GTF2H3: variants seen among roughly 807,000 people sequenced by gnomAD.
GTF2H3 encodes TFIIH basal transcription factor complex p34 subunit.
A neutral mutation model predicts 51.1 loss-of-function variants in GTF2H3; 42 were observed. The ratio of observed to expected loss-of-function variants is 0.82; its 90% CI spans 0.64 to 1.06. The LOEUF (loss-of-function observed/expected upper bound fraction) is 1.06, where lower values mean the gene tolerates loss of function less well. Among genes scored for constraint, GTF2H3 ranks in the 50% least tolerant of loss-of-function variants. The probability of loss-of-function intolerance (pLI) is 0.00; values close to 1 mark genes in which losing one functional copy is unlikely to be tolerated. For synonymous variants in GTF2H3, 123 were observed against 123.8 expected, an observed-to-expected ratio of 0.99 and a Z score of 0.04; for missense variants, 326 against 366.1, an observed-to-expected ratio of 0.89 and a Z score of 0.89.
intron 1 of GTF2H3, among the ~76,000 whole-genome samples, chr12:123,637,672 T>G (rs1476908223): frequency 1.3e-5 from 2 of 151,894 alleles, no homozygotes; most frequent in East Asian, 3.9e-4. Context: ...CCGGCTAATA[T>G]TTTGTATTTT....
chr12:123,659,818 T>C lies in GTF2H3; in HGVS notation c.708T>C (p.Asp236=). 1 of 1,613,380 alleles carries C rather than the reference T, an allele frequency of 6.2e-7. No individual in the cohort carries two copies. The change falls in exon 11 of 13, where the codon GAT becomes GAC. Residue 236 remains aspartate (D), a synonymous_variant. Coordinates refer to ENST00000543341, the MANE Select transcript of GTF2H3 (RefSeq NM_001516.5). ...YLLWVFLPDQ[D]QRSQLILPPP... The stretch of plus-strand genomic sequence containing the variant: ...AGTGGGTGTTTCTTCCCGATCAAGA[T>C]CAGAGATCTCAGTTAATCCTCCCAC...
chr12:123,636,408 C>T (rs1403950738), intron 1 of GTF2H3, among the ~76,000 whole-genome samples: 4 of 152,172 alleles, frequency 2.6e-5, no homozygotes, highest in African/African-American at 9.7e-5. Context: ...TAGAGATTCT[C>T]CTAATGTAGA....
chr12:123,660,071 T>C lies in GTF2H3; in HGVS notation c.846T>C (p.Cys282=). 6.2e-7 allele frequency: 1 copy of C among 1,608,124 alleles called. No individual in the cohort carries two copies. The highest frequency in any genetic ancestry group is 1.1e-5 in the South Asian group (1 of 88,986). ...TATTCTGCAATTTCAGCCCCATTTGTACTACGTGCGAGTAAGTATCTTTGA... is the reference window on the plus strand; with the variant it reads ...TATTCTGCAATTTCAGCCCCATTTGCACTACGTGCGAGTAAGTATCTTTGA... ...LSIFCNFSPI[C]TTCETAFKIS... The change falls in exon 12 of 13, where the codon TGT becomes TGC. Residue 282 remains cysteine, a synonymous_variant. Coordinates refer to ENST00000543341, the MANE Select transcript of GTF2H3 (RefSeq NM_001516.5).
Position 123,648,131 on chromosome 12 carries a change from C to T in GTF2H3, c.364+5C>T, listed in dbSNP as rs1332898285. 6.3e-7 allele frequency: 1 copy of T among 1,580,002 alleles called. No individual in the cohort carries two copies. Among genetic ancestry groups the T allele is most frequent in the South Asian group, 1.1e-5 (1 of 87,796 alleles). ...TTAAAGATCTAATGACCAAAAGTAA[C>T]AACTTTTAAACATTGTTATTTTGCA... On this transcript the variant is annotated splice_donor_5th_base_variant and intron_variant, in intron 4 of 12. Coordinates refer to ENST00000543341, the MANE Select transcript of GTF2H3 (RefSeq NM_001516.5).
rs749202968 is a variant in GTF2H3 at position 123,660,231 on chromosome 12, C to G, written c.923C>G (p.Ala308Gly). 34 of 1,603,384 alleles carry G rather than the reference C, an allele frequency of 2.1e-5. No homozygotes were observed. The highest frequency in any genetic ancestry group is 2.8e-5 in the Non-Finnish European group (33 of 1,174,456). Residue 308 changes from alanine (A) to glycine (G), a missense_variant, in exon 13 of 13, where the codon GCC (alanine) becomes GGC (glycine). By Grantham distance (60) the Ala-to-Gly change is moderately conservative. Transcript: ENST00000543341. ...AAGAAAAAGAAACTGAAAGTGTCTG[C>G]CTGAGGATAAAATATTTTCCCCATC... Reference protein sequence around the residue: ...KAKKKKLKVSA With the variant: ...KAKKKKLKVSG
In GTF2H3 at chr12:123,662,196, TGTAA is replaced by T. The variant is rs897803621; in HGVS notation, c.*1963_*1966del. 6.6e-6 allele frequency: 1 copy of T among 151,302 alleles called. No homozygotes were observed. Among genetic ancestry groups the T allele is most frequent in the African/African-American group, 2.4e-5 (1 of 41,194 alleles). 9.4% of individuals were successfully genotyped at this position (151,302 alleles called of 1,614,324 possible). A position where few individuals can be genotyped will look rare whatever the true frequency, so the allele number is the denominator to read the frequency against. On this transcript the variant is annotated 3_prime_UTR_variant, in exon 13 of 13. Coordinates refer to ENST00000543341, the MANE Select transcript of GTF2H3 (RefSeq NM_001516.5). ...AACCCATTGTGTACAAAACTTTGTA[TGTAA>T]GGAAGATTTTAATTTTCTCTTTATA...
At chr12:123,635,402 C>T (rs1399048737) in intron 1 of GTF2H3, among the ~76,000 whole-genome samples, 1 of 152,054 alleles carries the variant, frequency 6.6e-6, no homozygotes, top group Non-Finnish European at 1.5e-5. Flanking sequence ...GAAACCCCGT[C>T]TCTGCTCAAA....
chr12:123,639,876 C>T, intron 2 of GTF2H3: 1 of 414,936 alleles, frequency 2.4e-6, no homozygotes. Flanking sequence ...TACATGTGCT[C>T]ACTTGTGTGT....
intron 7 of GTF2H3, among the ~76,000 whole-genome samples, chr12:123,653,395 C>G (rs971622287): frequency 5.9e-5 from 9 of 151,762 alleles, no homozygotes; most frequent in Admixed American, 1.3e-4. Flanking sequence ...AGCACGGTGG[C>G]TCACTCCTGT....
Position 123,659,918 on chromosome 12 carries a change from G to A in GTF2H3, c.808G>A (p.Val270Met), listed in dbSNP as rs1317749968. The change falls in exon 11 of 13, where the codon GTG (valine) becomes ATG (methionine). Residue 270 changes from valine to methionine, a missense_variant. By Grantham distance (21) the Val-to-Met change is conservative. Coordinates refer to ENST00000543341, the MANE Select transcript of GTF2H3 (RefSeq NM_001516.5). ...CATTGAAATTGGTTATGTCTGTTCT[G>A]TGTGTTTGTCAAGTAAGTTAATGTA... ...NLIEIGYVCSVCLSIFCNFSP... is the reference protein window; with the variant it reads ...NLIEIGYVCSMCLSIFCNFSP... 4 of 1,613,120 alleles carry A rather than the reference G, an allele frequency of 2.5e-6. No homozygotes were observed. The South Asian group carries it at 4.4e-5, about 18-fold the overall frequency.
At chr12:123,637,474 G>C (rs997926274) in intron 1 of GTF2H3, among the ~76,000 whole-genome samples, 1 of 151,548 alleles carries the variant, frequency 6.6e-6, no homozygotes, top group African/African-American at 2.4e-5. Flanking sequence ...AAATCTTGAC[G>C]TAGGAATTGC....
At chr12:123,657,800 C>T (rs1052092805) in intron 9 of GTF2H3, among the ~76,000 whole-genome samples, 1 of 152,204 alleles carries the variant, frequency 6.6e-6, no homozygotes, top group Non-Finnish European at 1.5e-5. Context: ...TGAACCAGGA[C>T]TGTACTATCA....
intron 1 of GTF2H3, among the ~76,000 whole-genome samples, chr12:123,637,268 G>GT (rs1236959436): frequency 1.3e-5 from 2 of 151,962 alleles, no homozygotes; most frequent in Non-Finnish European, 2.9e-5. Flanking sequence ...GTTTGGGGTG[G>GT]TGCGTGCATG....
chr12:123,658,513 G>A (rs1955614572), intron 9 of GTF2H3, among the ~76,000 whole-genome samples: 2 of 152,082 alleles, frequency 1.3e-5, no homozygotes. Flanking sequence ...TAAATTTATT[G>A]TAGAGACAGG....
At chr12:123,655,132 T>C in intron 8 of GTF2H3, 134 bp downstream of exon 8, 2 of 690,370 alleles carry the variant, frequency 2.9e-6, no homozygotes, top group South Asian at 1.8e-5. Flanking sequence ...ATCTGTATTA[T>C]GTTCTAGTCT....
rs763168615 is a variant in GTF2H3 at position 123,651,063 on chromosome 12, T to G, written c.427+7T>G. 1 of 1,604,562 alleles carries G rather than the reference T, an allele frequency of 6.2e-7. No individual in the cohort carries two copies. The highest frequency in any genetic ancestry group is 1.1e-5 in the South Asian group (1 of 90,878). ...CTGGCCAAAGCCCTTTGCTGTATCCTTGGTGTCTGAATCATTTAGAAGGTG... is the reference window on the plus strand; with the variant it reads ...CTGGCCAAAGCCCTTTGCTGTATCCGTGGTGTCTGAATCATTTAGAAGGTG... On this transcript the variant is annotated splice_region_variant and intron_variant, in intron 5 of 12. Transcript: ENST00000543341.
At chr12:123,647,535 A>G (rs986502286) in intron 3 of GTF2H3, among the ~76,000 whole-genome samples, 5 of 152,006 alleles carry the variant, frequency 3.3e-5, no homozygotes, top group Admixed American at 1.3e-4. Flanking sequence ...CCAGATTTTT[A>G]TTACTGGGAT....
intron 2 of GTF2H3, among the ~76,000 whole-genome samples, chr12:123,643,681 A>G (rs1338039474): frequency 1.3e-5 from 2 of 152,124 alleles, no homozygotes. Context: ...AGTCTTTTAT[A>G]TTAAAGGATT....
At chr12:123,656,358 G>A (rs1409289068) in intron 9 of GTF2H3, among the ~76,000 whole-genome samples, 1 of 152,070 alleles carries the variant, frequency 6.6e-6, no homozygotes, top group African/African-American at 2.4e-5. Flanking sequence ...ACAGACTCTT[G>A]TACATATTAT....
Sources: gnomAD v4.1 joint callset for allele counts (sites outside exome capture counted in the v4.1 genomes callset) on GRCh38, gnomAD v4.1.1 for gene constraint, MANE v1.5 for transcripts, NCBI Gene and HGNC (gene_info 2026-07-23, HGNC 2026-07-21) for gene names.